TBX15: variants seen among roughly 807,000 people sequenced by gnomAD.
TBX15 encodes T-box transcription factor TBX15.
A neutral mutation model predicts 53.9 loss-of-function variants in TBX15; 18 were observed. The observed-to-expected ratio is 0.33, with a 90% CI of 0.23 to 0.49. The LOEUF (loss-of-function observed/expected upper bound fraction) is 0.49, where lower values mean the gene tolerates loss of function less well. Among genes scored for constraint, TBX15 ranks in the 20% least tolerant of loss-of-function variants. The probability of loss-of-function intolerance (pLI) is 0.98; values close to 1 mark genes in which losing one functional copy is unlikely to be tolerated. For missense variants in TBX15, 692 were observed against 749.5 expected, an observed-to-expected ratio of 0.92 and a Z score of 0.90; for synonymous variants, 295 against 278.0, an observed-to-expected ratio of 1.06 and a Z score of -0.61.
Position 118,972,593 on chromosome 1 carries a change from TTTTCC to T in TBX15, c.205+14993_205+14997del, listed in dbSNP as rs1226047338. 5.9e-5 allele frequency among the ~76,000 whole-genome samples: 9 copies of T among 152,208 alleles called. No homozygotes were observed. The South Asian group carries it at 1.9e-3, about 32-fold the overall frequency. ...GTGCCAACACTCTCCAAATGGTTTC[TTTTCC>T]TTTCTTTTCTTTTTTTTTAGATGGA... On this transcript the variant is annotated intron_variant, in intron 1 of 7. Coordinates refer to ENST00000369429, the MANE Select transcript of TBX15 (RefSeq NM_001330677.2).
intron 1 of TBX15, among the ~76,000 whole-genome samples, chr1:118,960,004 G>GTCTTGACAATT (rs1397472790): frequency 1.9e-4 from 28 of 151,282 alleles, no homozygotes; most frequent in African/African-American, 6.6e-4. Context: ...CTTAGAAATT[G>GTCTTGACAATT]TCAAGACAGC....
intron 1 of TBX15, among the ~76,000 whole-genome samples, chr1:118,939,585 T>C (rs1656098820): frequency 6.7e-6 from 1 of 149,590 alleles, no homozygotes; most frequent in African/African-American, 2.6e-5. Flanking sequence ...AAAGTACCTA[T>C]AGGGTACTGT....
At chr1:118,984,042 T>A (rs1037808936) in intron 1 of TBX15, among the ~76,000 whole-genome samples, 1 of 152,282 alleles carries the variant, frequency 6.6e-6, no homozygotes, top group African/African-American at 2.4e-5. Context: ...AACCATAAAC[T>A]GGCAGATTAA....
chr1:118,965,447 T>C (rs1657007280), intron 1 of TBX15, among the ~76,000 whole-genome samples: 1 of 152,132 alleles, frequency 6.6e-6, no homozygotes, highest in South Asian at 2.1e-4. Context: ...TGTTGGCAAA[T>C]GGATAGGAAA....
intron 1 of TBX15, among the ~76,000 whole-genome samples, chr1:118,954,083 T>C (rs1384996926): frequency 2.0e-5 from 3 of 152,190 alleles, no homozygotes; most frequent in Non-Finnish European, 4.4e-5. Flanking sequence ...ATAGCTACTT[T>C]CCAGGGGCTG....
chr1:118,974,474 T>C (rs912662791), intron 1 of TBX15, among the ~76,000 whole-genome samples: 1 of 152,196 alleles, frequency 6.6e-6, no homozygotes, highest in African/African-American at 2.4e-5. Flanking sequence ...GGCTGGATTT[T>C]CTTCAAATCC....
chr1:118,987,875 CG>C lies in TBX15; in HGVS notation c.-81del. 1 of 1,514,288 alleles carries C rather than the reference CG, an allele frequency of 6.6e-7. No individual in the cohort carries two copies. Among genetic ancestry groups the C allele is most frequent in the Non-Finnish European group, 8.9e-7 (1 of 1,126,064 alleles). 93.8% of individuals were successfully genotyped at this position (1,514,288 alleles called of 1,614,324 possible). A position where few individuals can be genotyped will look rare whatever the true frequency, so the allele number is the denominator to read the frequency against. On this transcript the variant is annotated 5_prime_UTR_variant, in exon 1 of 8. Coordinates refer to ENST00000369429, the MANE Select transcript of TBX15 (RefSeq NM_001330677.2). The stretch of plus-strand genomic sequence containing the variant: ...GCGCCCTCAAGCTCTGAGCGCCCAC[CG>C]GGCCCGGCCCGGGAGAGGCGGAGGC...
intron 7 of TBX15, among the ~76,000 whole-genome samples, chr1:118,890,547 G>T (rs2101454085): frequency 6.6e-6 from 1 of 152,130 alleles, no homozygotes; most frequent in East Asian, 1.9e-4. Flanking sequence ...ACATTAAATT[G>T]CTCCAATATC....
intron 7 of TBX15, among the ~76,000 whole-genome samples, chr1:118,892,166 C>A (rs1358961553): frequency 6.6e-6 from 1 of 151,944 alleles, no homozygotes. Context: ...AAAAAAATAT[C>A]TAATAAGATA....
At chr1:118,956,918 G>A (rs574054480) in intron 1 of TBX15, among the ~76,000 whole-genome samples, 70 of 149,150 alleles carry the variant, frequency 4.7e-4, no homozygotes, top group African/African-American at 1.6e-3. Context: ...AGCCGACATC[G>A]CACCACTGCA....
At chr1:118,968,683 T>C (rs1157027413) in intron 1 of TBX15, among the ~76,000 whole-genome samples, 1 of 152,194 alleles carries the variant, frequency 6.6e-6, no homozygotes, top group Non-Finnish European at 1.5e-5. Flanking sequence ...GTTCTCAGCA[T>C]GGAAACTAGT....
chr1:118,922,409 C>G (rs911614702), intron 5 of TBX15, among the ~76,000 whole-genome samples: 1 of 152,166 alleles, frequency 6.6e-6, no homozygotes, highest in Non-Finnish European at 1.5e-5. Flanking sequence ...GACCCAGCCA[C>G]GGAGCAATGT....
At chr1:118,886,466 C>T (rs562173676) in intron 7 of TBX15, among the ~76,000 whole-genome samples, 15 of 152,256 alleles carry the variant, frequency 9.9e-5, no homozygotes, top group African/African-American at 2.4e-4. Context: ...CTTAGATCAG[C>T]GGTTCTCAGG....
intron 6 of TBX15, among the ~76,000 whole-genome samples, chr1:118,911,281 T>C (rs910995270): frequency 6.6e-6 from 1 of 152,222 alleles, no homozygotes; most frequent in Non-Finnish European, 1.5e-5. Flanking sequence ...AGTTAACTGA[T>C]AAAATTTCTG....
intron 6 of TBX15, among the ~76,000 whole-genome samples, chr1:118,909,404 G>A (rs1450115082): frequency 5.3e-5 from 8 of 152,230 alleles, no homozygotes. Context: ...AGCTGGGAAT[G>A]TATGTTCTGC....
At position 118,925,440 on chromosome 1, in the gene TBX15, T is replaced by C. The variant is rs538406429; in HGVS notation, c.522-623A>G. ...CACCACCAAATACTCCCAGTTCACA[T>C]TGCCTTTGATGAACCCGTTTTGAAC... On this transcript the variant is annotated intron_variant, in intron 3 of 7. Coordinates refer to ENST00000369429, the MANE Select transcript of TBX15 (RefSeq NM_001330677.2). Among the ~76,000 whole-genome samples the C allele has an allele frequency of 4.6e-5, 7 of 152,334 alleles. No individual in the cohort carries two copies. The East Asian group carries it at 7.7e-4, about 17-fold the overall frequency.
At chr1:118,988,904 T>G (rs2101066507), upstream of TBX15, among the ~76,000 whole-genome samples, 1 of 151,950 alleles carries the variant, frequency 6.6e-6, no homozygotes, top group African/African-American at 2.4e-5. Flanking sequence ...CTAACCAGGG[T>G]CTTGTAACTG....
At chr1:118,904,581 G>A (rs574104885) in intron 6 of TBX15, among the ~76,000 whole-genome samples, 28 of 152,304 alleles carry the variant, frequency 1.8e-4, no homozygotes, top group Non-Finnish European at 3.5e-4. Context: ...ACAGATGCCT[G>A]GAGTTGAGTT....
intron 5 of TBX15, among the ~76,000 whole-genome samples, chr1:118,919,141 A>C (rs1655341498): frequency 6.6e-6 from 1 of 152,182 alleles, no homozygotes; most frequent in Non-Finnish European, 1.5e-5. Flanking sequence ...AAGAAATAAG[A>C]CTGTGTTACC....
Sources: allele counts gnomAD v4.1 joint callset (sites outside exome capture counted in the v4.1 genomes callset), GRCh38; gene constraint gnomAD v4.1.1; transcripts MANE v1.5; gene names NCBI Gene and HGNC (gene_info 2026-07-23, HGNC 2026-07-21).